ZFAND3: variants seen among roughly 807,000 people sequenced by gnomAD.
The protein encoded by ZFAND3 is zinc finger AN1-type containing 3.
Under a neutral mutation model 29.6 loss-of-function variants are expected in ZFAND3, and 10 were observed. That is an observed-to-expected ratio of 0.34 (90% CI 0.21 to 0.57). The LOEUF is 0.57. ZFAND3 is among the 20% of genes least tolerant of loss of function. The pLI, the probability that ZFAND3 is intolerant of heterozygous loss-of-function variation, is 0.86. For synonymous variants in ZFAND3, 128 were observed against 112.6 expected, an observed-to-expected ratio of 1.14 and a Z score of -0.87; for missense variants, 230 against 304.5, an observed-to-expected ratio of 0.76 and a Z score of 1.82.
chr6:37,875,988 T>C (rs566309821), intron 1 of ZFAND3, among the ~76,000 whole-genome samples: 4 of 152,330 alleles, frequency 2.6e-5, no homozygotes, highest in African/African-American at 4.8e-5. Context: ...GAATGTTTTA[T>C]ATTTGAACTT....
intron 2 of ZFAND3, among the ~76,000 whole-genome samples, chr6:38,008,091 A>G (rs1763082208): frequency 6.6e-6 from 1 of 152,198 alleles, no homozygotes; most frequent in Non-Finnish European, 1.5e-5. Flanking sequence ...ACTGATTTAG[A>G]GTACCTTTCT....
In ZFAND3 at chr6:38,154,302, C is replaced by T; in HGVS notation, c.*1913C>T. 1 of 985,290 alleles carries T rather than the reference C, an allele frequency of 1.0e-6. No homozygotes were observed. Among genetic ancestry groups the T allele is most frequent in the African/African-American group, 1.7e-5 (1 of 57,252 alleles). 61.0% of individuals were successfully genotyped at this position (985,290 alleles called of 1,614,324 possible). A position where few individuals can be genotyped will look rare whatever the true frequency, so the allele number is the denominator to read the frequency against. Reference sequence around the variant, plus strand: ...CCCTCCTCTGCCTGCTGCGTGGAGGCAGCCATGGGAAGGAGCCCAGGGGAG... The same window carrying T: ...CCCTCCTCTGCCTGCTGCGTGGAGGTAGCCATGGGAAGGAGCCCAGGGGAG... On this transcript the variant is annotated 3_prime_UTR_variant, in exon 6 of 6. Coordinates refer to ENST00000287218, the MANE Select transcript of ZFAND3 (RefSeq NM_021943.3).
intron 2 of ZFAND3, chr6:38,003,598 T>C: frequency 3.7e-6 from 1 of 267,778 alleles, no homozygotes; most frequent in South Asian, 3.1e-5. Context: ...TCTTGGGCTC[T>C]AGCAATCCTC....
chr6:37,916,476 G>T (rs558452502), intron 1 of ZFAND3, among the ~76,000 whole-genome samples: 1 of 150,888 alleles, frequency 6.6e-6, no homozygotes, highest in Non-Finnish European at 1.5e-5. Flanking sequence ...AGGCTAACAC[G>T]GTGAAACGCT....
intron 1 of ZFAND3, among the ~76,000 whole-genome samples, chr6:37,913,059 A>G (rs989921941): frequency 6.6e-6 from 1 of 152,236 alleles, no homozygotes; most frequent in Admixed American, 6.5e-5. Context: ...CAATCATCCA[A>G]ACCTTCAGTG....
intron 4 of ZFAND3, among the ~76,000 whole-genome samples, chr6:38,111,967 A>G (rs1765329632): frequency 6.6e-6 from 1 of 152,184 alleles, no homozygotes; most frequent in South Asian, 2.1e-4. Flanking sequence ...CCTGGAACCA[A>G]TCTCCCTTGG....
chr6:37,908,610 G>A (rs171831), intron 1 of ZFAND3, among the ~76,000 whole-genome samples: 1 of 149,336 alleles, frequency 6.7e-6, no homozygotes, highest in African/African-American at 2.4e-5. Context: ...ACACATGGAG[G>A]TTCCTGGAGA....
intron 2 of ZFAND3, among the ~76,000 whole-genome samples, chr6:38,014,688 C>A (rs1263982676): frequency 6.6e-6 from 1 of 152,120 alleles, no homozygotes; most frequent in Admixed American, 6.5e-5. Flanking sequence ...TGGCTTCAAT[C>A]ATCTCTTTTC....
At chr6:37,867,322 A>G (rs1764607417) in intron 1 of ZFAND3, among the ~76,000 whole-genome samples, 1 of 151,710 alleles carries the variant, frequency 6.6e-6, no homozygotes, top group African/African-American at 2.4e-5. Context: ...TGAAAAATTC[A>G]TATGAATCAC....
chr6:38,010,318 A>G (rs919538606), intron 2 of ZFAND3, among the ~76,000 whole-genome samples: 4 of 152,198 alleles, frequency 2.6e-5, no homozygotes, highest in Admixed American at 1.3e-4. Flanking sequence ...TGTGAACCAT[A>G]TAGACAGTGG....
chr6:37,916,520 C>T (rs756060186), intron 1 of ZFAND3, among the ~76,000 whole-genome samples: 14 of 151,926 alleles, frequency 9.2e-5, no homozygotes, highest in Non-Finnish European at 1.9e-4. Context: ...ATTAGCTGGG[C>T]GTGGTGGCAC....
intron 1 of ZFAND3, among the ~76,000 whole-genome samples, chr6:37,929,689 C>A (rs570922013): frequency 1.3e-5 from 2 of 151,168 alleles, no homozygotes; most frequent in African/African-American, 2.4e-5. Context: ...TGCTAATATA[C>A]GCAATAAATA....
chr6:38,013,644 C>A (rs1472151493), intron 2 of ZFAND3, among the ~76,000 whole-genome samples: 1 of 152,032 alleles, frequency 6.6e-6, no homozygotes, highest in Non-Finnish European at 1.5e-5. Context: ...TTTCCTAGAA[C>A]CAGTATTTCA....
chr6:37,946,575 T>G (rs982674040), intron 2 of ZFAND3, among the ~76,000 whole-genome samples: 1 of 152,144 alleles, frequency 6.6e-6, no homozygotes, highest in African/African-American at 2.4e-5. Flanking sequence ...TTTTTCCCCC[T>G]TTTTGGTGTC....
chr6:38,025,058 A>T (rs542016648), intron 2 of ZFAND3, among the ~76,000 whole-genome samples: 2 of 152,332 alleles, frequency 1.3e-5, no homozygotes, highest in East Asian at 1.9e-4. Context: ...ATGTCACATG[A>T]TCATTCTGAG....
intron 2 of ZFAND3, among the ~76,000 whole-genome samples, chr6:37,976,532 C>T (rs1202889299): frequency 2.8e-5 from 4 of 144,270 alleles, no homozygotes; most frequent in South Asian, 2.2e-4. Context: ...TGCAGTGAGC[C>T]GAGATTGCGC....
At chr6:37,915,183 C>T (rs764021929) in intron 1 of ZFAND3, among the ~76,000 whole-genome samples, 3 of 152,196 alleles carry the variant, frequency 2.0e-5, no homozygotes, top group Admixed American at 1.3e-4. Flanking sequence ...TCTTATGCAG[C>T]TTCCTCACTT....
chr6:38,128,896 T>G (rs887346843), intron 5 of ZFAND3, among the ~76,000 whole-genome samples: 1 of 152,214 alleles, frequency 6.6e-6, no homozygotes, highest in African/African-American at 2.4e-5. Context: ...AGTTTTACTT[T>G]TAGTTTTTTA....
intron 3 of ZFAND3, among the ~76,000 whole-genome samples, chr6:38,065,962 A>C (rs925748982): frequency 6.6e-6 from 1 of 152,238 alleles, no homozygotes; most frequent in African/African-American, 2.4e-5. Context: ...CTTTATAAAT[A>C]AGGAGGTCAC....
Sources: gnomAD v4.1 joint callset for allele counts (sites outside exome capture counted in the v4.1 genomes callset) on GRCh38, gnomAD v4.1.1 for gene constraint, MANE v1.5 for transcripts, NCBI Gene and HGNC (gene_info 2026-07-23, HGNC 2026-07-21) for gene names.